Variants in LEPR observed in about 807,000 individuals in gnomAD.
The protein encoded by LEPR is OB receptor.
LEPR carries 56 observed loss-of-function variants against 114.7 expected under a neutral mutation model. That is an observed-to-expected ratio of 0.49 (90% CI 0.39 to 0.61). LEPR has a LOEUF of 0.61. LEPR is among the 20% of genes least tolerant of loss of function. The probability of loss-of-function intolerance (pLI) is 0.00; values close to 1 mark genes in which losing one functional copy is unlikely to be tolerated. For missense variants in LEPR, 1,202 were observed against 1,352.9 expected, an observed-to-expected ratio of 0.89 and a Z score of 1.75; for synonymous variants, 443 against 461.4, an observed-to-expected ratio of 0.96 and a Z score of 0.51.
intron 2 of LEPR, among the ~76,000 whole-genome samples, chr1:65,440,027 AAAAG>A (rs1010012818): frequency 3.3e-5 from 5 of 150,538 alleles, no homozygotes; most frequent in Non-Finnish European, 5.9e-5. Context: ...AAAAAAAAGA[AAAAG>A]AAAATTGACA....
intron 2 of LEPR, among the ~76,000 whole-genome samples, chr1:65,507,409 G>GT (rs753684675): frequency 1.3e-4 from 20 of 149,882 alleles, no homozygotes; most frequent in African/African-American, 4.2e-4. Flanking sequence ...AAATGACAGA[G>GT]TTTTTTAAAA....
In LEPR at chr1:65,464,897, G is replaced by A. The variant is rs184532107; in HGVS notation, c.-21+39519G>A. On this transcript the variant is annotated intron_variant, in intron 2 of 19. Coordinates refer to ENST00000349533, the MANE Select transcript of LEPR (RefSeq NM_002303.6). The stretch of plus-strand genomic sequence containing the variant: ...TATCCCTTTTATCATTTTTTATTGC[G>A]TCAATTTGATTCTTCTCTCTTTTCT... Among the ~76,000 whole-genome samples, 775 of 152,048 alleles carry A rather than the reference G, an allele frequency of 5.1e-3. 8 individuals carry two copies. Among genetic ancestry groups the A allele is most frequent in the African/African-American group, 0.018 (735 of 41,480 alleles).
chr1:65,500,121 G>A (rs888086262), intron 2 of LEPR, among the ~76,000 whole-genome samples: 1 of 152,072 alleles, frequency 6.6e-6, no homozygotes, highest in Non-Finnish European at 1.5e-5. Context: ...TGCCATGTAA[G>A]ATGCGCCTTG....
intron 5 of LEPR, chr1:65,578,322 C>T (rs940128524): frequency 1.0e-4 from 23 of 228,652 alleles, no homozygotes; most frequent in Admixed American, 9.0e-4. Context: ...CAAAACTGCA[C>T]AGGTCACAGA....
Position 65,482,041 on chromosome 1 carries a change from G to A in LEPR, c.-21+56663G>A, listed in dbSNP as rs1049342101. 2.0e-5 allele frequency among the ~76,000 whole-genome samples: 3 copies of A among 151,602 alleles called. No individual in the cohort carries two copies. In the East Asian group the frequency reaches 5.8e-4, roughly 29 times the overall value. On this transcript the variant is annotated intron_variant, in intron 2 of 19. Transcript: ENST00000349533. The stretch of plus-strand genomic sequence containing the variant: ...ATAAAAATCAATATACAAATACATT[G>A]TATTTCTATACAACAGCAACAAAGC...
chr1:65,497,401 C>T (rs1194841061), intron 2 of LEPR, among the ~76,000 whole-genome samples: 1 of 152,056 alleles, frequency 6.6e-6, no homozygotes, highest in Non-Finnish European at 1.5e-5. Context: ...TTCAGATAAT[C>T]GAAGGCAGAA....
intron 2 of LEPR, among the ~76,000 whole-genome samples, chr1:65,542,610 C>T (rs1267558951): frequency 6.6e-6 from 1 of 151,936 alleles, no homozygotes; most frequent in East Asian, 1.9e-4. Flanking sequence ...CTATCCCTCC[C>T]CTAGCCAGCC....
chr1:65,599,973 C>A (rs545362735), intron 8 of LEPR, among the ~76,000 whole-genome samples: 1 of 152,092 alleles, frequency 6.6e-6, no homozygotes, highest in South Asian at 2.1e-4. Context: ...ATTTTAGCAT[C>A]TAATCATGTA....
At chr1:65,578,822 G>A (rs1654780403) in intron 5 of LEPR, among the ~76,000 whole-genome samples, 1 of 152,134 alleles carries the variant, frequency 6.6e-6, no homozygotes, top group Non-Finnish European at 1.5e-5. Flanking sequence ...CTGTAAGGGA[G>A]GAAATATGCA....
chr1:65,603,682 AT>A (rs1444926394), intron 10 of LEPR, among the ~76,000 whole-genome samples: 1 of 146,226 alleles, frequency 6.8e-6, no homozygotes. Flanking sequence ...ACATTAGGAG[AT>A]TTTTTTTGCA....
intron 1 of LEPR, among the ~76,000 whole-genome samples, chr1:65,423,268 C>T (rs1026174412): frequency 6.6e-6 from 1 of 151,932 alleles, no homozygotes; most frequent in Non-Finnish European, 1.5e-5. Flanking sequence ...TTGGGTTGAA[C>T]ATAAGTTTTC....
Position 65,500,669 on chromosome 1 carries a change from T to C in LEPR, c.-20-64877T>C, listed in dbSNP as rs553028314. On this transcript the variant is annotated intron_variant, in intron 2 of 19. Transcript: ENST00000349533. ...CTGTAAGAATATAGTATATAATACATGTAGCATACAAAATATGTGTTAATT... is the reference window on the plus strand; with the variant it reads ...CTGTAAGAATATAGTATATAATACACGTAGCATACAAAATATGTGTTAATT... Among the ~76,000 whole-genome samples the C allele has an allele frequency of 1.3e-3, 196 of 152,312 alleles. 1 individual carries two copies. The highest frequency in any genetic ancestry group is 4.5e-3 in the African/African-American group (186 of 41,572).
intron 2 of LEPR, among the ~76,000 whole-genome samples, chr1:65,470,775 C>G (rs1033214742): frequency 3.3e-5 from 5 of 152,174 alleles, no homozygotes; most frequent in African/African-American, 1.2e-4. Flanking sequence ...CTTTCTTTAT[C>G]CAAGTTCATC....
Position 65,633,466 on chromosome 1 carries a change from A to G in LEPR, c.2674-2725A>G. ...CTTTTGATTTGTCATATTCCTGGTC[A>G]TAAAACATTAAGAAAATTATGGCTG... On this transcript the variant is annotated intron_variant, in intron 19 of 19. Coordinates refer to ENST00000349533, the MANE Select transcript of LEPR (RefSeq NM_002303.6). The surrounding 1 kb of genome is among the most constrained non-coding windows in gnomAD (Gnocchi z 4.1). The G allele has an allele frequency of 3.3e-6, 4 of 1,209,066 alleles. No individual in the cohort carries two copies. Among genetic ancestry groups the G allele is most frequent in the Non-Finnish European group, 4.1e-6 (4 of 971,384 alleles). The allele number at this position is 1,209,066 out of a possible 1,614,324, so 74.9% of individuals were successfully genotyped here.
intron 3 of LEPR, among the ~76,000 whole-genome samples, 177 bp from the exon 4 acceptor site, chr1:65,570,296 C>A (rs182585695): frequency 1.3e-5 from 2 of 152,204 alleles, no homozygotes; most frequent in Admixed American, 1.3e-4. Context: ...TGAATGCATC[C>A]TCTTGAATGT....
chr1:65,606,295 C>A (rs1006467723), intron 11 of LEPR, among the ~76,000 whole-genome samples: 2 of 152,118 alleles, frequency 1.3e-5, no homozygotes, highest in African/African-American at 4.8e-5. Flanking sequence ...TACACTCCCC[C>A]AAACATGCAC....
intron 2 of LEPR, among the ~76,000 whole-genome samples, chr1:65,476,271 T>C (rs1557613455): frequency 6.6e-6 from 1 of 151,878 alleles, no homozygotes; most frequent in Admixed American, 6.6e-5. Flanking sequence ...AAATGACAAC[T>C]GATGTCACAG....
At chr1:65,522,644 T>C (rs1649691358) in intron 2 of LEPR, among the ~76,000 whole-genome samples, 1 of 152,238 alleles carries the variant, frequency 6.6e-6, no homozygotes, top group Non-Finnish European at 1.5e-5. Flanking sequence ...GCAATATTTA[T>C]GTTTTTGAAA....
chr1:65,435,114 CAG>C, intron 2 of LEPR: 1 of 985,376 alleles, frequency 1.0e-6, no homozygotes, highest in Non-Finnish European at 1.2e-6. Context: ...TATTTTGGGA[CAG>C]GGAAAATCCT....
Sources: allele counts gnomAD v4.1 joint callset (sites outside exome capture counted in the v4.1 genomes callset), GRCh38; gene constraint gnomAD v4.1.1; non-coding constraint Gnocchi (gnomAD v3.1); transcripts MANE v1.5; gene names NCBI Gene and HGNC (gene_info 2026-07-23, HGNC 2026-07-21).